The following NPFFR2 variants were observed in gnomAD, a reference collection of about 807,000 sequenced individuals.
The protein encoded by NPFFR2 is G-protein coupled receptor 74.
NPFFR2 carries 15 observed loss-of-function variants against 13.1 expected under a neutral mutation model. The ratio of observed to expected loss-of-function variants is 1.15; its 90% CI spans 0.77 to 1.76. NPFFR2 has a LOEUF of 1.76. Ranked by LOEUF, NPFFR2 falls within the 40% of genes most tolerant of loss-of-function variation. The pLI, the probability that NPFFR2 is intolerant of heterozygous loss-of-function variation, is 0.00. For missense variants in NPFFR2, 572 were observed against 503.5 expected (o/e 1.14, Z -1.30); for synonymous variants, 190 against 175.7 (o/e 1.08, Z -0.65).
intron 1 of NPFFR2, among the ~76,000 whole-genome samples, chr4:72,040,174 ATATT>A (rs1719166932): frequency 3.3e-5 from 5 of 152,132 alleles, no homozygotes; most frequent in African/African-American, 9.7e-5. Context: ...TATAGACAAT[ATATT>A]TATTATTGTA....
At chr4:72,137,264 ACT>A (rs1215606111) in intron 2 of NPFFR2, among the ~76,000 whole-genome samples, 4 of 152,180 alleles carry the variant, frequency 2.6e-5, no homozygotes, top group Admixed American at 6.5e-5. Flanking sequence ...AAATTTCAAA[ACT>A]CTGAGAAATG....
intron 1 of NPFFR2, among the ~76,000 whole-genome samples, chr4:72,127,024 C>T (rs150457285): frequency 0.07 from 10,673 of 151,794 alleles, 1,118 homozygotes; most frequent in African/African-American, 0.23. Flanking sequence ...ACATATAGGC[C>T]GGGTGCGGTG....
In NPFFR2 at chr4:72,127,235, T is replaced by C. The variant is rs573549782; in HGVS notation, c.-7-1350T>C. The stretch of plus-strand genomic sequence containing the variant: ...GGGAGAATGGCGTGAACCCGGGAGG[T>C]GGAGCTTGCAGTGAGCCGAGATCGC... On this transcript the variant is annotated intron_variant, in intron 1 of 3. Transcript: ENST00000308744. 5.6e-4 allele frequency among the ~76,000 whole-genome samples: 58 copies of C among 104,334 alleles called. 1 individual carries two copies. The highest frequency in any genetic ancestry group is 9.3e-4 in the African/African-American group (24 of 25,836). The allele number at this position is 104,334 out of a possible 152,430, so 68.4% of individuals were successfully genotyped here.
intron 1 of NPFFR2, among the ~76,000 whole-genome samples, chr4:72,041,440 A>T (rs1292489782): frequency 6.6e-6 from 1 of 152,188 alleles, no homozygotes; most frequent in Non-Finnish European, 1.5e-5. Flanking sequence ...ATTATTGTGA[A>T]TAGTGCTGCA....
intron 1 of NPFFR2, among the ~76,000 whole-genome samples, chr4:72,100,883 G>T (rs1195776370): frequency 6.6e-6 from 1 of 151,936 alleles, no homozygotes; most frequent in African/African-American, 2.4e-5. Context: ...ATGATTTATT[G>T]TATGGCTGTT....
chr4:72,140,195 A>T (rs1448599933), intron 3 of NPFFR2, among the ~76,000 whole-genome samples: 1 of 152,236 alleles, frequency 6.6e-6, no homozygotes, highest in Non-Finnish European at 1.5e-5. Flanking sequence ...CAATGACGTC[A>T]TCTGCAAAGA....
At chr4:72,137,631 T>TA (rs1722457784) in intron 2 of NPFFR2, among the ~76,000 whole-genome samples, 1 of 152,142 alleles carries the variant, frequency 6.6e-6, no homozygotes, top group African/African-American at 2.4e-5. Context: ...TGCATCAGAG[T>TA]CAATGGTTTA....
intron 1 of NPFFR2, among the ~76,000 whole-genome samples, chr4:72,069,531 C>G (rs1720182327): frequency 6.6e-6 from 1 of 152,052 alleles, no homozygotes; most frequent in Non-Finnish European, 1.5e-5. Context: ...AGGAATCAGA[C>G]AGGTATGCCT....
intron 1 of NPFFR2, among the ~76,000 whole-genome samples, chr4:72,034,147 A>T (rs1449022312): frequency 1.3e-5 from 2 of 152,230 alleles, no homozygotes; most frequent in African/African-American, 2.4e-5. Flanking sequence ...TTAGCTAAAG[A>T]CTTCAAAACT....
intron 1 of NPFFR2, among the ~76,000 whole-genome samples, chr4:72,056,963 A>G (rs983281886): frequency 6.6e-6 from 1 of 151,970 alleles, no homozygotes; most frequent in Non-Finnish European, 1.5e-5. Context: ...GGAATCTACT[A>G]CAGGTGAAGA....
intron 1 of NPFFR2, among the ~76,000 whole-genome samples, chr4:72,035,506 A>G (rs1024510033): frequency 6.6e-6 from 1 of 150,776 alleles, no homozygotes; most frequent in Non-Finnish European, 1.5e-5. Flanking sequence ...AGCCCCCCCT[A>G]AAAAAGTCAA....
At chr4:72,129,348 C>T (rs1033956324) in intron 2 of NPFFR2, among the ~76,000 whole-genome samples, 48 of 134,508 alleles carry the variant, frequency 3.6e-4, no homozygotes, top group Non-Finnish European at 3.1e-5. Flanking sequence ...GGGGAACCAG[C>T]GTTCAGCATA....
chr4:72,137,276 G>A (rs1423830535), intron 2 of NPFFR2, among the ~76,000 whole-genome samples: 1 of 152,132 alleles, frequency 6.6e-6, no homozygotes, highest in Non-Finnish European at 1.5e-5. Flanking sequence ...TCTGAGAAAT[G>A]CATAATATTC....
At chr4:72,073,754 G>A (rs1451476289) in intron 1 of NPFFR2, among the ~76,000 whole-genome samples, 2 of 151,998 alleles carry the variant, frequency 1.3e-5, no homozygotes, top group Non-Finnish European at 2.9e-5. Flanking sequence ...TAGTGCTGAA[G>A]CTGTTAAAGG....
At position 72,050,933 on chromosome 4, in the gene NPFFR2, G is replaced by T. The variant is rs565702972; in HGVS notation, c.-8+18733G>T. Among the ~76,000 whole-genome samples the T allele has an allele frequency of 5.9e-3, 897 of 151,964 alleles. 6 individuals are homozygous for T. The highest frequency in any genetic ancestry group is 0.02 in the African/African-American group (834 of 41,442). On this transcript the variant is annotated intron_variant, in intron 1 of 3. Coordinates refer to ENST00000308744, the MANE Select transcript of NPFFR2 (RefSeq NM_004885.3). ...CAATTTCATCCATGTCCCTACAAAGGACATGAACTCATCATTTTTTATGGC... is the reference window on the plus strand; with the variant it reads ...CAATTTCATCCATGTCCCTACAAAGTACATGAACTCATCATTTTTTATGGC...
At chr4:72,130,459 T>C (rs1722202045) in intron 2 of NPFFR2, among the ~76,000 whole-genome samples, 1 of 152,168 alleles carries the variant, frequency 6.6e-6, no homozygotes, top group South Asian at 2.1e-4. Flanking sequence ...TTGTAAAGCT[T>C]AGGGTAGCAC....
At chr4:72,076,986 G>A (rs942466884) in intron 1 of NPFFR2, among the ~76,000 whole-genome samples, 1 of 152,100 alleles carries the variant, frequency 6.6e-6, no homozygotes, top group African/African-American at 2.4e-5. Flanking sequence ...TTTCTAAAAA[G>A]TAGTAAATCA....
chr4:72,070,567 G>GGC (rs1720220748), intron 1 of NPFFR2, among the ~76,000 whole-genome samples: 1 of 137,356 alleles, frequency 7.3e-6, no homozygotes, highest in African/African-American at 2.9e-5. Flanking sequence ...GTGTGGGGGG[G>GGC]GGGGGTGGGG....
rs1218541657 is a variant in NPFFR2, at chr4:72,127,362, T to TTTC, written c.-7-1221_-7-1220insCTT. Among the ~76,000 whole-genome samples, 106 of 97,406 alleles carry TTTC rather than the reference T, an allele frequency of 1.1e-3. 1 individual carries two copies. Among genetic ancestry groups the TTTC allele is most frequent in the African/African-American group, 5.7e-3 (101 of 17,732 alleles). 63.9% of individuals were successfully genotyped at this position (97,406 alleles called of 152,430 possible). A position where few individuals can be genotyped will look rare whatever the true frequency, so the allele number is the denominator to read the frequency against. ...ACAGATTCTAAATAATTTCTTTTCT[T>TTTC]TTTTTTTTTTTTTTTTTTTGAGACG... On this transcript the variant is annotated intron_variant, in intron 1 of 3. Transcript: ENST00000308744.
Sources: allele counts gnomAD v4.1 joint callset (sites outside exome capture counted in the v4.1 genomes callset), GRCh38; gene constraint gnomAD v4.1.1; transcripts MANE v1.5; gene names NCBI Gene and HGNC (gene_info 2026-07-23, HGNC 2026-07-21).